RERE: variants seen among roughly 807,000 people sequenced by gnomAD.
The protein encoded by RERE is arginine-glutamic acid dipeptide repeats.
In RERE, 40 loss-of-function variants were observed where a neutral mutation model predicts 146.1. That is an observed-to-expected ratio of 0.27 (90% CI 0.21 to 0.36). The LOEUF (loss-of-function observed/expected upper bound fraction) is 0.36. Among genes scored for constraint, RERE ranks in the 10% least tolerant of loss-of-function variants. The probability of loss-of-function intolerance (pLI) is 1.00; values close to 1 mark genes in which losing one functional copy is unlikely to be tolerated. For missense variants in RERE, 1,933 were observed against 2,138.7 expected, an observed-to-expected ratio of 0.90 and a Z score of 1.90; for synonymous variants, 1,003 against 866.0, an observed-to-expected ratio of 1.16 and a Z score of -2.78.
In RERE at chr1:8,359,903, GCCA is replaced by G; in HGVS notation, c.3476_3478del (p.Leu1159_Ala1160delinsPro). 6.2e-7 allele frequency: 1 copy of G among 1,613,180 alleles called. No homozygotes were observed. Among genetic ancestry groups the G allele is most frequent in the Non-Finnish European group, 8.5e-7 (1 of 1,180,014 alleles). On this transcript the variant is annotated inframe_deletion, in exon 19 of 23. Transcript: ENST00000400908. ...CTCAATGGCCTCCTCCCTCTTCTTG[GCCA>G]GCTTGGACCCGGCCAGAGGCATGAA...
chr1:8,590,399 G>C (rs2124097319), intron 4 of RERE, among the ~76,000 whole-genome samples: 1 of 152,250 alleles, frequency 6.6e-6, no homozygotes, highest in East Asian at 1.9e-4. Context: ...ATGGACCACA[G>C]AGAATGTCAG....
intron 1 of RERE, among the ~76,000 whole-genome samples, chr1:8,767,741 C>CA (rs1480709307): frequency 3.3e-5 from 5 of 151,924 alleles, no homozygotes; most frequent in African/African-American, 1.2e-4. Context: ...GCAGGCGGAT[C>CA]ACTTGAAGGT....
chr1:8,794,752 TA>T (rs1050895545), intron 1 of RERE, among the ~76,000 whole-genome samples: 1 of 145,920 alleles, frequency 6.9e-6, no homozygotes, highest in Non-Finnish European at 1.5e-5. Flanking sequence ...ACAAAACAAA[TA>T]AAAAAAAAAC....
At chr1:8,411,698 A>G (rs1643619957) in intron 12 of RERE, among the ~76,000 whole-genome samples, 1 of 152,174 alleles carries the variant, frequency 6.6e-6, no homozygotes. Flanking sequence ...TATTAAAACT[A>G]TAATATTTAT....
At chr1:8,728,848 C>A (rs12567592) in intron 1 of RERE, among the ~76,000 whole-genome samples, 1 of 151,954 alleles carries the variant, frequency 6.6e-6, no homozygotes, top group East Asian at 1.9e-4. Flanking sequence ...CAACTAGGGC[C>A]AAGAGACTGC....
intron 4 of RERE, among the ~76,000 whole-genome samples, chr1:8,582,451 C>T (rs916151719): frequency 6.7e-6 from 1 of 149,442 alleles, no homozygotes; most frequent in Non-Finnish European, 1.5e-5. Flanking sequence ...CAGGGTCTCA[C>T]TGTGTCACCC....
intron 1 of RERE, among the ~76,000 whole-genome samples, chr1:8,672,205 CCT>C (rs747646490): frequency 1.9e-4 from 29 of 151,978 alleles, no homozygotes; most frequent in Non-Finnish European, 4.0e-4. Flanking sequence ...TCAGCGTCTC[CCT>C]CTGTCACCCA....
chr1:8,649,539 G>A (rs552282399), intron 2 of RERE, among the ~76,000 whole-genome samples: 6 of 152,068 alleles, frequency 3.9e-5, no homozygotes, highest in African/African-American at 1.4e-4. Context: ...AGACCAGCCT[G>A]GCCAACATGG....
chr1:8,547,890 A>C (rs1206453626), intron 6 of RERE, among the ~76,000 whole-genome samples: 1 of 152,224 alleles, frequency 6.6e-6, no homozygotes, highest in Non-Finnish European at 1.5e-5. Context: ...ATGATAAGAA[A>C]ATATATATGC....
At chr1:8,451,345 C>T (rs1033623262) in intron 11 of RERE, among the ~76,000 whole-genome samples, 6 of 152,130 alleles carry the variant, frequency 3.9e-5, no homozygotes, top group Admixed American at 3.9e-4. Flanking sequence ...GGCAGGAGAA[C>T]AGCTTGAACC....
intron 1 of RERE, among the ~76,000 whole-genome samples, chr1:8,775,413 G>A (rs942089453): frequency 1.3e-5 from 2 of 151,986 alleles, no homozygotes; most frequent in Admixed American, 1.3e-4. Context: ...CCCTGTCTCA[G>A]CAAAAAATAA....
intron 4 of RERE, among the ~76,000 whole-genome samples, chr1:8,612,202 T>C (rs912755811): frequency 2.0e-5 from 3 of 152,224 alleles, no homozygotes; most frequent in Non-Finnish European, 2.9e-5. Context: ...TGGTGTATCA[T>C]GGCAAGAAAT....
chr1:8,603,225 G>A (rs987258314), intron 4 of RERE, among the ~76,000 whole-genome samples: 7 of 152,268 alleles, frequency 4.6e-5, no homozygotes, highest in Admixed American at 6.5e-5. Flanking sequence ...TAACTAAGTA[G>A]TACTACCATA....
At chr1:8,453,804 G>A (rs1227804662) in intron 11 of RERE, among the ~76,000 whole-genome samples, 3 of 109,760 alleles carry the variant, frequency 2.7e-5, no homozygotes, top group Non-Finnish European at 4.0e-5. Context: ...GCAAGACTCT[G>A]TCTCAAAAAA....
intron 16 of RERE, 100 bp downstream of exon 16, chr1:8,362,583 T>C (rs1289774222): frequency 3.5e-6 from 5 of 1,448,432 alleles, no homozygotes; most frequent in Non-Finnish European, 4.8e-6. Flanking sequence ...ATGAATGAGC[T>C]GCATCCTCGT....
intron 2 of RERE, among the ~76,000 whole-genome samples, chr1:8,642,826 C>T (rs1426650208): frequency 1.3e-5 from 2 of 152,156 alleles, no homozygotes; most frequent in African/African-American, 4.8e-5. Context: ...GTCCTCCCAT[C>T]AACTGCTCTG....
chr1:8,504,676 A>AC (rs1385964821), intron 8 of RERE, among the ~76,000 whole-genome samples: 3 of 152,104 alleles, frequency 2.0e-5, no homozygotes, highest in African/African-American at 7.2e-5. Context: ...ACATAGTGAA[A>AC]CCCCGTCTCT....
intron 1 of RERE, among the ~76,000 whole-genome samples, chr1:8,775,063 C>A (rs564662246): frequency 6.9e-6 from 1 of 145,028 alleles, no homozygotes; most frequent in Non-Finnish European, 1.5e-5. Flanking sequence ...CGGGTTCAAG[C>A]GATTCTCCTG....
intron 2 of RERE, among the ~76,000 whole-genome samples, chr1:8,642,692 G>C (rs1647195801): frequency 6.6e-6 from 1 of 152,156 alleles, no homozygotes; most frequent in African/African-American, 2.4e-5. Flanking sequence ...TTTTTAAAAA[G>C]TGTAACAGTG....
Sources: allele counts gnomAD v4.1 joint callset (sites outside exome capture counted in the v4.1 genomes callset), GRCh38; gene constraint gnomAD v4.1.1; transcripts MANE v1.5; gene names NCBI Gene and HGNC (gene_info 2026-07-23, HGNC 2026-07-21).